RMST: variants seen among roughly 807,000 people sequenced by gnomAD.
RMST encodes long intergenic non-protein coding RNA 54.
chr12:97,518,848 T>G (rs1413189809), intron 10 of RMST, among the ~76,000 whole-genome samples: 1 of 152,108 alleles, frequency 6.6e-6, no homozygotes, highest in African/African-American at 2.4e-5. Flanking sequence ...CATGGCTCAC[T>G]GCATTCTCAA....
intron 10 of RMST, among the ~76,000 whole-genome samples, chr12:97,526,567 ACTCT>A (rs1312176455): frequency 6.6e-6 from 1 of 152,146 alleles, no homozygotes; most frequent in Non-Finnish European, 1.5e-5. Context: ...TTTTACTAAA[ACTCT>A]CTAAGCAATG....
chr12:97,555,493 A>G (rs898874277), intron 11 of RMST, among the ~76,000 whole-genome samples: 2 of 152,236 alleles, frequency 1.3e-5, no homozygotes, highest in African/African-American at 2.4e-5. Flanking sequence ...AGCAGTTAAA[A>G]GAAAGTAATC....
At chr12:97,544,481 A>C (rs1390363810) in intron 11 of RMST, among the ~76,000 whole-genome samples, 1 of 152,038 alleles carries the variant, frequency 6.6e-6, no homozygotes, top group African/African-American at 2.4e-5. Flanking sequence ...ATAGGTAATC[A>C]GAGAGTGGAC....
At chr12:97,470,777 G>GATT (rs1873818826) in intron 5 of RMST, among the ~76,000 whole-genome samples, 1 of 151,880 alleles carries the variant, frequency 6.6e-6, no homozygotes, top group East Asian at 1.9e-4. Flanking sequence ...CACTCTAAGT[G>GATT]ATTATTTTTC....
intron 10 of RMST, among the ~76,000 whole-genome samples, chr12:97,502,611 C>A (rs954550499): frequency 6.6e-6 from 1 of 151,990 alleles, no homozygotes; most frequent in African/African-American, 2.4e-5. Flanking sequence ...CAAGCTCATG[C>A]CACCATGCCT....
chr12:97,525,958 G>A (rs552881065), intron 10 of RMST, among the ~76,000 whole-genome samples: 3 of 152,138 alleles, frequency 2.0e-5, no homozygotes, highest in Non-Finnish European at 4.4e-5. Flanking sequence ...GTGCATGCGA[G>A]TGATCTGGGT....
intron 11 of RMST, among the ~76,000 whole-genome samples, chr12:97,550,288 A>G (rs1883218428): frequency 6.6e-6 from 1 of 152,154 alleles, no homozygotes; most frequent in Non-Finnish European, 1.5e-5. Context: ...GCTACTTGGG[A>G]GACTGAGGCA....
intron 5 of RMST, among the ~76,000 whole-genome samples, chr12:97,484,838 A>G (rs1357975973): frequency 1.3e-5 from 2 of 152,252 alleles, no homozygotes; most frequent in East Asian, 1.9e-4. Context: ...AATTCCTTTC[A>G]TCTTTTTGAC....
rs188523308 is a variant in RMST at position 97,482,135 on chromosome 12, A to G, written n.645-10326A>G. Among the ~76,000 whole-genome samples, 405 of 152,346 alleles carry G rather than the reference A, an allele frequency of 2.7e-3. 4 individuals carry two copies. The highest frequency in any genetic ancestry group is 2.6e-3 in the Non-Finnish European group (180 of 68,028). ...CCAAAGTTTCCAAAAAGCACACATC[A>G]AAATGGAAAATAGACAAAAAATACA... On this transcript the variant is annotated intron_variant and non_coding_transcript_variant, in intron 5 of 13. Coordinates refer to ENST00000640149, the Ensembl canonical transcript of RMST.
intron 11 of RMST, chr12:97,541,441 A>C (rs1166476086): frequency 6.6e-6 from 1 of 151,834 alleles, no homozygotes; most frequent in Non-Finnish European, 1.5e-5. Context: ...AGGGCACAGA[A>C]ATGAGTATAT....
intron 10 of RMST, among the ~76,000 whole-genome samples, chr12:97,526,168 A>G (rs1216541024): frequency 6.6e-6 from 1 of 152,132 alleles, no homozygotes; most frequent in Non-Finnish European, 1.5e-5. Flanking sequence ...ATGCGCTTGA[A>G]TCATCCTGAA....
chr12:97,476,663 C>T (rs1029459489), intron 5 of RMST, among the ~76,000 whole-genome samples: 25 of 152,230 alleles, frequency 1.6e-4, no homozygotes, highest in African/African-American at 5.5e-4. Flanking sequence ...GAAGAATAGG[C>T]AAATTTGCAT....
chr12:97,473,814 A>T (rs1034032097), intron 5 of RMST, among the ~76,000 whole-genome samples: 2 of 152,170 alleles, frequency 1.3e-5, no homozygotes, highest in African/African-American at 2.4e-5. Flanking sequence ...TTTCCAGGAA[A>T]GCCAAAGATT....
At chr12:97,486,628 G>A (rs994736382) in intron 5 of RMST, among the ~76,000 whole-genome samples, 2 of 152,162 alleles carry the variant, frequency 1.3e-5, no homozygotes, top group Non-Finnish European at 2.9e-5. Flanking sequence ...AATGGCTTCT[G>A]TATATATTAA....
At chr12:97,497,798 T>C (rs544821750) in intron 10 of RMST, among the ~76,000 whole-genome samples, 84 of 152,090 alleles carry the variant, frequency 5.5e-4, no homozygotes, top group Non-Finnish European at 9.3e-4. Flanking sequence ...ATAATTGTCA[T>C]GGTGAGGAGA....
At chr12:97,471,428 G>T (rs1229958379) in intron 5 of RMST, among the ~76,000 whole-genome samples, 1 of 152,104 alleles carries the variant, frequency 6.6e-6, no homozygotes, top group African/African-American at 2.4e-5. Flanking sequence ...TGAGCATAAA[G>T]CTTTGGCCCT....
chr12:97,540,941 GATAGAT>G (rs11269215), intron 11 of RMST, among the ~76,000 whole-genome samples: 9,653 of 145,508 alleles, frequency 0.066, 461 homozygotes, highest in African/African-American at 0.13. Context: ...TAGAGAGATA[GATAGAT>G]ATAGATATAG....
At chr12:97,552,494 C>T (rs1883375006) in intron 11 of RMST, among the ~76,000 whole-genome samples, 1 of 152,110 alleles carries the variant, frequency 6.6e-6, no homozygotes, top group Non-Finnish European at 1.5e-5. Context: ...GAATTGGACT[C>T]CTTTAGTTCC....
At chr12:97,508,305 A>G (rs1176104915) in intron 10 of RMST, among the ~76,000 whole-genome samples, 1 of 152,174 alleles carries the variant, frequency 6.6e-6, no homozygotes, top group Non-Finnish European at 1.5e-5. Flanking sequence ...GAAGAGAAAC[A>G]CTAATGAAAC....
Sources: allele counts gnomAD v4.1 joint callset (sites outside exome capture counted in the v4.1 genomes callset), GRCh38; gene constraint gnomAD v4.1.1; transcripts MANE v1.5; gene names NCBI Gene and HGNC (gene_info 2026-07-23, HGNC 2026-07-21).